The following RSRC1 variants were observed in gnomAD, a reference collection of about 807,000 sequenced individuals.
The protein encoded by RSRC1 is serine/Arginine-related protein 53.
In RSRC1, 39 loss-of-function variants were observed where a neutral mutation model predicts 49.1. The ratio of observed to expected loss-of-function variants is 0.79; its 90% CI spans 0.61 to 1.04. The LOEUF is 1.04. Among genes scored for constraint, RSRC1 ranks in the 50% least tolerant of loss-of-function variants. The pLI, the probability that RSRC1 is intolerant of heterozygous loss-of-function variation, is 0.00. For synonymous variants in RSRC1, 143 were observed against 130.8 expected, an observed-to-expected ratio of 1.09 and a Z score of -0.63; for missense variants, 388 against 402.4, an observed-to-expected ratio of 0.96 and a Z score of 0.31.
chr3:158,376,397 G>C (rs988243392), intron 6 of RSRC1, among the ~76,000 whole-genome samples: 1 of 151,662 alleles, frequency 6.6e-6, no homozygotes, highest in African/African-American at 2.4e-5. Context: ...CCAGACCTCA[G>C]GTTATCTGCC....
chr3:158,534,732 C>A (rs1417360773), intron 7 of RSRC1, among the ~76,000 whole-genome samples: 3 of 151,510 alleles, frequency 2.0e-5, no homozygotes, highest in African/African-American at 7.3e-5. Flanking sequence ...GTGGAAAAAC[C>A]TATCATCAAA....
At chr3:158,353,315 T>G (rs1203282284) in intron 5 of RSRC1, among the ~76,000 whole-genome samples, 1 of 152,216 alleles carries the variant, frequency 6.6e-6, no homozygotes, top group Non-Finnish European at 1.5e-5. Context: ...GTTTAAAATT[T>G]TTCTAAGTCT....
chr3:158,532,828 T>G (rs1293986786), intron 7 of RSRC1, among the ~76,000 whole-genome samples: 1 of 151,850 alleles, frequency 6.6e-6, no homozygotes, highest in Non-Finnish European at 1.5e-5. Context: ...ACATCCCATA[T>G]TAATTCTCCC....
At chr3:158,425,403 G>T (rs368717116) in intron 6 of RSRC1, among the ~76,000 whole-genome samples, 8 of 151,814 alleles carry the variant, frequency 5.3e-5, no homozygotes, top group South Asian at 2.1e-4. Context: ...AGTGAGTTTC[G>T]TAATCCTGAG....
At chr3:158,276,466 T>C in intron 4 of RSRC1, 1 of 660,502 alleles carries the variant, frequency 1.5e-6, no homozygotes, top group East Asian at 2.5e-5. Flanking sequence ...GGCGCCAAGG[T>C]TAGCCTTTAG....
At position 158,462,218 on chromosome 3, in the gene RSRC1, T is replaced by C. The variant is rs116028607; in HGVS notation, c.652+1215T>C. Among the ~76,000 whole-genome samples the C allele has an allele frequency of 6.6e-3, 996 of 152,036 alleles. 7 individuals are homozygous for C. The highest frequency in any genetic ancestry group is 0.023 in the African/African-American group (939 of 41,536). Reference sequence around the variant, plus strand: ...AAGATTCCTCAGTAGAATTACCTTCTTTTGGATCTCTTGGCATTGTTAATG... The same window carrying C: ...AAGATTCCTCAGTAGAATTACCTTCCTTTGGATCTCTTGGCATTGTTAATG... On this transcript the variant is annotated intron_variant, in intron 7 of 9. Transcript: ENST00000611884.
In RSRC1 at chr3:158,122,135, G is replaced by T. The variant is rs771364060; in HGVS notation, c.31G>T (p.Glu11Ter). The T allele has an allele frequency of 6.4e-7, 1 of 1,552,826 alleles. No homozygotes were observed. Among genetic ancestry groups the T allele is most frequent in the South Asian group, 1.2e-5 (1 of 80,378 alleles). The change falls in exon 2 of 10, where the codon GAA becomes TAA. Residue 11 changes from glutamate to a stop codon, truncating the protein, a stop_gained. Transcript: ENST00000611884. LOFTEE classifies it high-confidence loss of function. The stretch of plus-strand genomic sequence containing the variant: ...ACGTCGGTCATCAGATACTGAAGAA[G>T]AAAGCAGAAGCAAGAGAAAAAAGAA... MGRRSSDTEE[E>*]SRSKRKKKHR...
At chr3:158,197,622 G>A (rs976796470) in intron 3 of RSRC1, among the ~76,000 whole-genome samples, 2 of 151,786 alleles carry the variant, frequency 1.3e-5, no homozygotes, top group African/African-American at 2.4e-5. Flanking sequence ...TTCTCTTGTG[G>A]GCATTTAGTA....
intron 6 of RSRC1, among the ~76,000 whole-genome samples, chr3:158,443,535 T>A (rs1242456651): frequency 6.6e-6 from 1 of 152,224 alleles, no homozygotes; most frequent in East Asian, 1.9e-4. Context: ...GTTAGGACTT[T>A]GCTCTGGATT....
chr3:158,488,169 A>C (rs186059220), intron 7 of RSRC1, among the ~76,000 whole-genome samples: 1 of 152,130 alleles, frequency 6.6e-6, no homozygotes. Flanking sequence ...TATCCTAGAA[A>C]ATATGTTTCT....
chr3:158,243,730 T>C (rs990600788), intron 4 of RSRC1, among the ~76,000 whole-genome samples: 1 of 152,084 alleles, frequency 6.6e-6, no homozygotes, highest in African/African-American at 2.4e-5. Context: ...GCACTGGTTC[T>C]TAGTTCTCTT....
chr3:158,537,155 C>A lies in RSRC1; in HGVS notation c.716C>A (p.Ser239Tyr), dbSNP rs1401541921. ...VKEIEAIESD[S>Y]FVQQTFRSSK... The stretch of plus-strand genomic sequence containing the variant: ...GAAATTGAAGCTATTGAAAGTGATT[C>A]TTTTGTTCAGCAGACATTCAGATCA... The change falls in exon 8 of 10, where the codon TCT (serine) becomes TAT (tyrosine). Residue 239 changes from serine to tyrosine, a missense_variant. Ser to Tyr is a moderately radical substitution (Grantham distance 144). Coordinates refer to ENST00000611884, the MANE Select transcript of RSRC1 (RefSeq NM_001271838.2). 3 of 1,601,780 alleles carry A rather than the reference C, an allele frequency of 1.9e-6. No individual in the cohort carries two copies. The highest frequency in any genetic ancestry group is 2.7e-5 in the African/African-American group (2 of 74,036).
chr3:158,132,011 T>C (rs1716058643), intron 3 of RSRC1: 2 of 306,144 alleles, frequency 6.5e-6, no homozygotes, highest in South Asian at 5.3e-5. Flanking sequence ...TGAGACAGAG[T>C]GTTGCTCTGT....
intron 3 of RSRC1, among the ~76,000 whole-genome samples, chr3:158,185,571 C>A (rs1664843555): frequency 1.3e-5 from 2 of 151,736 alleles, no homozygotes; most frequent in African/African-American, 4.8e-5. Context: ...CATTCTACTC[C>A]TATATTTAAA....
chr3:158,330,896 A>C (rs888595197), intron 5 of RSRC1, among the ~76,000 whole-genome samples: 1 of 152,140 alleles, frequency 6.6e-6, no homozygotes, highest in African/African-American at 2.4e-5. Context: ...ATTAAAAAAA[A>C]AAAAAAAGGT....
intron 4 of RSRC1, among the ~76,000 whole-genome samples, chr3:158,263,663 G>T (rs2108040430): frequency 6.6e-6 from 1 of 152,150 alleles, no homozygotes; most frequent in Non-Finnish European, 1.5e-5. Flanking sequence ...ATTTTTCTTT[G>T]TGGAAAGGTT....
chr3:158,371,944 G>C (rs11709804), intron 6 of RSRC1, among the ~76,000 whole-genome samples: 78,974 of 151,138 alleles, frequency 0.52, 21,015 homozygotes, highest in African/African-American at 0.61. Flanking sequence ...ATCTGCATTT[G>C]CCTCATGGTG....
At chr3:158,482,875 G>A (rs1738671826) in intron 7 of RSRC1, among the ~76,000 whole-genome samples, 1 of 151,878 alleles carries the variant, frequency 6.6e-6, no homozygotes, top group Admixed American at 6.6e-5. Flanking sequence ...ATTAGATGTT[G>A]GATGTTACAT....
intron 4 of RSRC1, chr3:158,276,065 A>G: frequency 1.2e-6 from 1 of 865,604 alleles, no homozygotes; most frequent in Non-Finnish European, 1.9e-6. Context: ...TCACCAACCC[A>G]GTAAGAATTC....
Sources: allele counts gnomAD v4.1 joint callset (sites outside exome capture counted in the v4.1 genomes callset), GRCh38; gene constraint gnomAD v4.1.1; transcripts MANE v1.5; gene names NCBI Gene and HGNC (gene_info 2026-07-23, HGNC 2026-07-21).